The following CYP2J2 variants were observed in gnomAD, a reference collection of about 807,000 sequenced individuals.
CYP2J2 encodes cytochrome P450 family 2 subfamily J member 2, also known as cytochrome P450 2J2.
Under a neutral mutation model 48.8 loss-of-function variants are expected in CYP2J2, and 41 were observed. The observed-to-expected ratio is 0.84, with a 90% CI of 0.66 to 1.09. The LOEUF (loss-of-function observed/expected upper bound fraction) is 1.09. Ranked by LOEUF, CYP2J2 falls within the 50% of genes least tolerant of loss-of-function variation. CYP2J2 has a pLI of 0.00. For synonymous variants in CYP2J2, 221 were observed against 227.1 expected (o/e 0.97, Z 0.24); for missense variants, 644 against 617.3 (o/e 1.04, Z -0.46).
chr1:59,968,530 G>A, the CYP2J2 span, among the ~76,000 whole-genome samples: 4 of 151,984 alleles, frequency 2.6e-5, no homozygotes, highest in Non-Finnish European at 4.4e-5. Flanking sequence ...GCTAATTGCT[G>A]GCTCATACTC....
intron 5 of CYP2J2, among the ~76,000 whole-genome samples, chr1:59,908,584 A>G (rs1644384835): frequency 6.6e-6 from 1 of 152,180 alleles, no homozygotes; most frequent in East Asian, 1.9e-4. Context: ...GTTGCTCTTA[A>G]TGTTAATGAT....
chr1:59,957,245 T>C, the CYP2J2 span, among the ~76,000 whole-genome samples: 1 of 151,354 alleles, frequency 6.6e-6, no homozygotes, highest in Non-Finnish European at 1.5e-5. Flanking sequence ...AGCTGAACAG[T>C]AGGATCTGCA....
chr1:59,929,555 A>G (rs1323065170), upstream of CYP2J2, among the ~76,000 whole-genome samples: 1 of 152,224 alleles, frequency 6.6e-6, no homozygotes, highest in Non-Finnish European at 1.5e-5. Context: ...CAACAGATAG[A>G]GGATATCAAT....
At chr1:59,952,985 A>G in the CYP2J2 span, among the ~76,000 whole-genome samples, 1 of 152,224 alleles carries the variant, frequency 6.6e-6, no homozygotes, top group Non-Finnish European at 1.5e-5. Context: ...ACTGGAAAAG[A>G]GTGAAATGCA....
At chr1:59,940,567 T>C in the CYP2J2 span, among the ~76,000 whole-genome samples, 11,211 of 152,218 alleles carry the variant, frequency 0.074, 428 homozygotes, top group African/African-American at 0.1. Flanking sequence ...CACAAAGAAC[T>C]AAAAATAGAA....
intron 1 of CYP2J2, among the ~76,000 whole-genome samples, chr1:59,916,838 C>G (rs1644470559): frequency 6.6e-6 from 1 of 151,982 alleles, no homozygotes; most frequent in Non-Finnish European, 1.5e-5. Context: ...CTAATCATGT[C>G]TCAGCCACTT....
rs746165379 is a variant in CYP2J2, at chr1:59,909,824, G to T, written c.821C>A (p.Thr274Lys). The T allele has an allele frequency of 1.9e-6, 3 of 1,599,168 alleles. No homozygotes were observed. The highest frequency in any genetic ancestry group is 2.6e-6 in the Non-Finnish European group (3 of 1,175,928). ...AAGGTAAGCATCAATAAAGTCTCTTGTTTCTGCAGGATTCCAATCCTTTCT... is the reference window on the plus strand; with the variant it reads ...AAGGTAAGCATCAATAAAGTCTCTTTTTTCTGCAGGATTCCAATCCTTTCT... The part of the protein sequence containing the change: ...KHRKDWNPAE[T>K]RDFIDAYLKE... The change falls in exon 5 of 9, where the codon ACA becomes AAA. Residue 274 changes from threonine to lysine, a missense_variant. Coordinates refer to ENST00000371204, the MANE Select transcript of CYP2J2 (RefSeq NM_000775.4).
chr1:59,896,439 C>T (rs553043642), intron 8 of CYP2J2, among the ~76,000 whole-genome samples: 148 of 151,968 alleles, frequency 9.7e-4, no homozygotes, highest in African/African-American at 3.5e-3. Context: ...CATCAGATTC[C>T]AATCCAACAT....
chr1:59,905,801 G>A (rs1000819621), intron 6 of CYP2J2, among the ~76,000 whole-genome samples: 3 of 152,162 alleles, frequency 2.0e-5, no homozygotes, highest in Non-Finnish European at 4.4e-5. Flanking sequence ...TTCTTTCATT[G>A]GTTGAGTGCT....
At chr1:59,903,107 C>T (rs1644334959) in intron 7 of CYP2J2, among the ~76,000 whole-genome samples, 1 of 152,170 alleles carries the variant, frequency 6.6e-6, no homozygotes, top group Non-Finnish European at 1.5e-5. Context: ...CCTTTATCCA[C>T]TAAATGGTCA....
chr1:59,921,279 C>T (rs182855630), intron 1 of CYP2J2, among the ~76,000 whole-genome samples: 20 of 152,154 alleles, frequency 1.3e-4, no homozygotes, highest in South Asian at 6.2e-4. Flanking sequence ...ACTATTGTTA[C>T]GGAATAAAAG....
At chr1:59,902,801 T>C (rs893930989) in intron 7 of CYP2J2, among the ~76,000 whole-genome samples, 4 of 152,218 alleles carry the variant, frequency 2.6e-5, no homozygotes, top group African/African-American at 9.6e-5. Context: ...CATGTGGATC[T>C]TGTTAAGTAG....
the CYP2J2 span, among the ~76,000 whole-genome samples, chr1:59,955,253 CATATATATATCCATATATATATATCCAT>C: frequency 0.055 from 5,886 of 107,958 alleles, 163 homozygotes; most frequent in Admixed American, 0.1. Flanking sequence ...TATATATATC[CATATATATATCCATATATATATATCCAT>C]ATATATATAT....
At chr1:59,919,321 A>C (rs921651591) in intron 1 of CYP2J2, among the ~76,000 whole-genome samples, 1 of 152,230 alleles carries the variant, frequency 6.6e-6, no homozygotes, top group Non-Finnish European at 1.5e-5. Flanking sequence ...ATAACGTGGA[A>C]TTTCTAATAA....
chr1:59,921,894 T>C (rs1483014096), intron 1 of CYP2J2, among the ~76,000 whole-genome samples: 1 of 152,180 alleles, frequency 6.6e-6, no homozygotes, highest in Non-Finnish European at 1.5e-5. Context: ...TATCTCTGTA[T>C]ACTGTACTTC....
At chr1:59,930,988 G>A (rs1053944075), upstream of CYP2J2, among the ~76,000 whole-genome samples, 1 of 151,942 alleles carries the variant, frequency 6.6e-6, no homozygotes. Context: ...AATATGTCTG[G>A]TTTCCAGTCC....
chr1:59,894,175 C>CA (rs1231419026), intron 8 of CYP2J2, among the ~76,000 whole-genome samples: 6 of 151,896 alleles, frequency 4.0e-5, no homozygotes, highest in South Asian at 2.1e-4. Context: ...ACAAACGTGA[C>CA]AAAAAAAGAC....
At chr1:59,935,351 C>G in the CYP2J2 span, among the ~76,000 whole-genome samples, 1 of 152,004 alleles carries the variant, frequency 6.6e-6, no homozygotes, top group African/African-American at 2.4e-5. Context: ...CTATAGTTAA[C>G]AGTGCATTGT....
chr1:59,912,229 C>T lies in CYP2J2; in HGVS notation c.456G>A (p.Lys152=). 3.1e-6 allele frequency: 5 copies of T among 1,613,920 alleles called. No homozygotes were observed. Among genetic ancestry groups the T allele is most frequent in the Non-Finnish European group, 3.4e-6 (4 of 1,179,860 alleles). ...CCTGAATGCGTTCCTCTAAGCTCTT[C>T]TTTCCTAAACCAAAGTTCCTTAGTG... The part of the protein sequence containing the change: ...LTALRNFGLG[K]KSLEERIQEE... Residue 152 remains lysine, a synonymous_variant, in exon 3 of 9, where the codon AAG becomes AAA. Coordinates refer to ENST00000371204, the MANE Select transcript of CYP2J2 (RefSeq NM_000775.4).
Sources: gnomAD v4.1 joint callset for allele counts (sites outside exome capture counted in the v4.1 genomes callset) on GRCh38, gnomAD v4.1.1 for gene constraint, MANE v1.5 for transcripts, NCBI Gene and HGNC (gene_info 2026-07-23, HGNC 2026-07-21) for gene names.